NOXRED1: variants seen among roughly 807,000 people sequenced by gnomAD.
NOXRED1 encodes the protein NADP-dependent oxidoreductase domain-containing protein 1.
In NOXRED1, 20 loss-of-function variants were observed where a neutral mutation model predicts 30.4. The observed-to-expected ratio is 0.66, with a 90% CI of 0.46 to 0.96. The LOEUF is 0.96. Among genes scored for constraint, NOXRED1 ranks in the 40% least tolerant of loss-of-function variants. The pLI is 0.00. For missense variants in NOXRED1, 374 were observed against 428.0 expected (o/e 0.87, Z 1.11); for synonymous variants, 155 against 168.0 (o/e 0.92, Z 0.60).
intron 1 of NOXRED1, among the ~76,000 whole-genome samples, chr14:77,419,219 C>T (rs1894918176): frequency 6.6e-6 from 1 of 151,400 alleles, no homozygotes; most frequent in Admixed American, 6.6e-5. Flanking sequence ...ATTACAGGTA[C>T]CTGCCACCAT....
At chr14:77,395,126 G>A (rs1453694421) in intron 5 of NOXRED1, among the ~76,000 whole-genome samples, 1 of 128,296 alleles carries the variant, frequency 7.8e-6, no homozygotes, top group Non-Finnish European at 1.6e-5. Flanking sequence ...TTTTTTTTGA[G>A]ATGGAGTCTT....
rs1358821171 is a variant in NOXRED1 at position 77,405,982 on chromosome 14, G to T, written c.836C>A (p.Ala279Glu). Residue 279 changes from alanine to glutamate, a missense_variant, in exon 5 of 6, where the codon GCA (alanine) becomes GAA (glutamate). Coordinates refer to ENST00000380835, the MANE Select transcript of NOXRED1 (RefSeq NM_001113475.3). ...TGTTAATTGCAACTTTGGGCAAGAT[G>T]CTGTGTCTTTCCCACAGTCTTCAAA... The part of the protein sequence containing the change: ...VHFEDCGKDT[A>E]SCPKLQLTDF... The T allele has an allele frequency of 1.2e-6, 2 of 1,613,794 alleles. No individual in the cohort carries two copies. The highest frequency in any genetic ancestry group is 1.7e-5 in the Admixed American group (1 of 60,028).
At chr14:77,413,788 T>C (rs1010861396) in intron 2 of NOXRED1, 146 bp downstream of exon 2, 2 of 493,536 alleles carry the variant, frequency 4.1e-6, no homozygotes, top group East Asian at 3.4e-5. Context: ...GAAAAGGCCA[T>C]GCTTCTAACC....
At chr14:77,416,825 C>T (rs762766017) in intron 1 of NOXRED1, among the ~76,000 whole-genome samples, 18 of 150,988 alleles carry the variant, frequency 1.2e-4, no homozygotes, top group Non-Finnish European at 2.2e-4. Context: ...GCTGGCCGGG[C>T]GGGGGGCTGA....
chr14:77,405,482 G>T (rs1202078124), intron 5 of NOXRED1, among the ~76,000 whole-genome samples: 3 of 152,164 alleles, frequency 2.0e-5, no homozygotes, highest in Non-Finnish European at 4.4e-5. Context: ...TCTATCAAGT[G>T]GAAAAGGAGT....
At chr14:77,410,731 C>A (rs1397259152) in intron 2 of NOXRED1, among the ~76,000 whole-genome samples, 2 of 151,654 alleles carry the variant, frequency 1.3e-5, no homozygotes, top group Non-Finnish European at 2.9e-5. Flanking sequence ...TAGTAATAAA[C>A]CTAAGAAAAT....
In NOXRED1 at chr14:77,413,533, G is replaced by A. The variant is rs764624611; in HGVS notation, c.349+401C>T. 3.3e-5 allele frequency among the ~76,000 whole-genome samples: 5 copies of A among 152,064 alleles called. 1 individual carries two copies. The highest frequency in any genetic ancestry group is 3.9e-4 in the East Asian group (2 of 5,178). ...ATTACAGGCGTGAGCCACCGCGCCC[G>A]ACCACAAAACATTTTTTTAAAGTCA... On this transcript the variant is annotated intron_variant, in intron 2 of 5. Transcript: ENST00000380835.
intron 1 of NOXRED1, among the ~76,000 whole-genome samples, chr14:77,419,320 G>A (rs176778): frequency 0.44 from 66,034 of 151,280 alleles, 17,176 homozygotes; most frequent in East Asian, 0.94. Context: ...AGATCTGCCC[G>A]CCTCGGCCTC....
intron 5 of NOXRED1, among the ~76,000 whole-genome samples, chr14:77,400,882 C>T (rs1015550165): frequency 2.6e-5 from 4 of 152,090 alleles, no homozygotes; most frequent in Admixed American, 2.0e-4. Context: ...GAAATATGTG[C>T]AAGATCTACA....
chr14:77,406,263 G>T, intron 4 of NOXRED1, 128 bp from the exon 5 acceptor site: 2 of 648,362 alleles, frequency 3.1e-6, no homozygotes, highest in East Asian at 5.5e-5. Context: ...TGAACCACAA[G>T]ATAAGCAAAC....
upstream of NOXRED1, among the ~76,000 whole-genome samples, chr14:77,423,731 T>A (rs1176851271): frequency 2.6e-5 from 4 of 152,152 alleles, no homozygotes; most frequent in Non-Finnish European, 5.9e-5. Context: ...ATTCTGGATT[T>A]CTAGGGGTTT....
At chr14:77,411,924 T>C (rs1190104384) in intron 2 of NOXRED1, among the ~76,000 whole-genome samples, 12 of 152,024 alleles carry the variant, frequency 7.9e-5, no homozygotes, top group Non-Finnish European at 1.6e-4. Context: ...AAACCCCGTC[T>C]CTACTAAAAA....
chr14:77,404,177 A>G (rs1024024785), intron 5 of NOXRED1, among the ~76,000 whole-genome samples: 1 of 152,234 alleles, frequency 6.6e-6, no homozygotes, highest in East Asian at 1.9e-4. Context: ...GAAGTAATTC[A>G]TGAGAGAGAA....
At chr14:77,423,893 C>T (rs2062676210), upstream of NOXRED1, among the ~76,000 whole-genome samples, 1 of 152,198 alleles carries the variant, frequency 6.6e-6, no homozygotes, top group African/African-American at 2.4e-5. Flanking sequence ...TTCATCAGTA[C>T]ATTCAGAATG....
In NOXRED1 at chr14:77,405,962, A is replaced by C. The variant is rs1369976337; in HGVS notation, c.856T>G (p.Leu286Val). 1 of 1,613,674 alleles carries C rather than the reference A, an allele frequency of 6.2e-7. No homozygotes were observed. Among genetic ancestry groups the C allele is most frequent in the East Asian group, 2.2e-5 (1 of 44,902 alleles). Reference protein sequence around the residue: ...KDTASCPKLQLTDFVSKAYGK... With the variant: ...KDTASCPKLQVTDFVSKAYGK... ...TAGGCTTTGCTGACAAAATCTGTTA[A>C]TTGCAACTTTGGGCAAGATGCTGTG... Residue 286 changes from leucine (L) to valine (V), a missense_variant, in exon 5 of 6, where the codon TTA becomes GTA. Physicochemically the swap from Leu to Val is conservative, Grantham distance 32 (BLOSUM62 1). Transcript: ENST00000380835.
chr14:77,409,649 G>A (rs1894589522), intron 2 of NOXRED1, among the ~76,000 whole-genome samples: 1 of 152,106 alleles, frequency 6.6e-6, no homozygotes, highest in Non-Finnish European at 1.5e-5. Flanking sequence ...AGAAGCTGAT[G>A]TTGAGCATTT....
chr14:77,394,786 G>T lies in NOXRED1; in HGVS notation c.925C>A (p.Leu309Met), dbSNP rs1894137279. Residue 309 changes from leucine (L) to methionine (M), a missense_variant, in exon 6 of 6, where the codon CTG (leucine) becomes ATG (methionine). Transcript: ENST00000380835. ...GTTTCCTTGAGTTGCACAGCAGTCA[G>T]ATCAAACCAGGGGAAAGGCCTGAGG... ...SQERPFPWFD[L>M]TAVQLKETPF... The T allele has an allele frequency of 1.2e-6, 2 of 1,613,236 alleles. No homozygotes were observed. The highest frequency in any genetic ancestry group is 1.3e-5 in the African/African-American group (1 of 74,892).
chr14:77,405,947 T>A lies in NOXRED1; in HGVS notation c.871A>T (p.Ser291Cys), dbSNP rs1894444797. ...GACAAATTCTTGCCATAGGCTTTGCTGACAAAATCTGTTAATTGCAACTTT... is the reference window on the plus strand; with the variant it reads ...GACAAATTCTTGCCATAGGCTTTGCAGACAAAATCTGTTAATTGCAACTTT... The part of the protein sequence containing the change: ...CPKLQLTDFV[S>C]KAYGKNLSQE... Residue 291 changes from serine (S) to cysteine (C), a missense_variant, in exon 5 of 6, where the codon AGC becomes TGC. Ser to Cys is a moderately radical substitution (Grantham distance 112). Coordinates refer to ENST00000380835, the MANE Select transcript of NOXRED1 (RefSeq NM_001113475.3). 6.2e-7 allele frequency: 1 copy of A among 1,613,488 alleles called. No homozygotes were observed. Among genetic ancestry groups the A allele is most frequent in the African/African-American group, 1.3e-5 (1 of 75,064 alleles).
chr14:77,416,372 T>C (rs1295216444), intron 1 of NOXRED1, among the ~76,000 whole-genome samples: 1 of 152,152 alleles, frequency 6.6e-6, no homozygotes, highest in African/African-American at 2.4e-5. Context: ...TTTGTGTCCC[T>C]GGGTACTTGA....
Sources: allele counts gnomAD v4.1 joint callset (sites outside exome capture counted in the v4.1 genomes callset), GRCh38; gene constraint gnomAD v4.1.1; transcripts MANE v1.5; gene names NCBI Gene and HGNC (gene_info 2026-07-23, HGNC 2026-07-21).